EP300: variants seen among roughly 807,000 people sequenced by gnomAD.
EP300 encodes EP300 lysine acetyltransferase.
Under a neutral mutation model 264.0 loss-of-function variants are expected in EP300, and 31 were observed. The observed-to-expected ratio is 0.12, with a 90% CI of 0.09 to 0.16. The LOEUF (loss-of-function observed/expected upper bound fraction) is 0.16. EP300 is among the 10% of genes least tolerant of loss of function. EP300 has a pLI of 1.00. For synonymous variants in EP300, 1,340 were observed against 1,045.4 expected (o/e 1.28, Z -5.44); for missense variants, 2,766 against 3,052.9 (o/e 0.91, Z 2.21).
intron 1 of EP300, among the ~76,000 whole-genome samples, chr22:41,110,012 C>T (rs1195203391): frequency 2.0e-5 from 3 of 151,736 alleles, no homozygotes; most frequent in African/African-American, 7.3e-5. Context: ...TGGGGTTTCA[C>T]CATCTTGGCC....
At chr22:41,105,198 GAAAAA>G (rs764225630) in intron 1 of EP300, among the ~76,000 whole-genome samples, 37 of 60,950 alleles carry the variant, frequency 6.1e-4, no homozygotes, top group South Asian at 7.1e-4. Context: ...CTCCATCTCA[GAAAAA>G]AAAAAAAAAA....
intron 22 of EP300, among the ~76,000 whole-genome samples, chr22:41,164,449 C>T (rs182210495): frequency 1.3e-5 from 2 of 152,138 alleles, no homozygotes; most frequent in East Asian, 1.9e-4. Context: ...AGGTGGCTCA[C>T]GCCTGTAATC....
At chr22:41,105,223 C>T (rs2058752271) in intron 1 of EP300, among the ~76,000 whole-genome samples, 1 of 122,702 alleles carries the variant, frequency 8.1e-6, no homozygotes, top group Non-Finnish European at 1.8e-5. Flanking sequence ...AAAAAAAAAG[C>T]CGGGCGTGGT....
At chr22:41,113,639 C>T (rs777039861) in intron 1 of EP300, among the ~76,000 whole-genome samples, 2 of 152,072 alleles carry the variant, frequency 1.3e-5, no homozygotes, top group Non-Finnish European at 2.9e-5. Flanking sequence ...CTCTGTCTCC[C>T]GGGTTCATGC....
chr22:41,155,473 A>G (rs1007837768), intron 17 of EP300, among the ~76,000 whole-genome samples: 3 of 152,164 alleles, frequency 2.0e-5, no homozygotes, highest in African/African-American at 4.8e-5. Flanking sequence ...GACTCAAGCA[A>G]TAGGCCCATC....
At chr22:41,121,946 C>G (rs374503534) in intron 2 of EP300, among the ~76,000 whole-genome samples, 3 of 151,906 alleles carry the variant, frequency 2.0e-5, no homozygotes, top group East Asian at 1.9e-4. Context: ...AAACAACTCC[C>G]CCATGTATAG....
Position 41,176,547 on chromosome 22 carries a change from G to A in EP300, c.5061+19G>A, listed in dbSNP as rs1222167270. 1.2e-6 allele frequency: 2 copies of A among 1,613,414 alleles called. No homozygotes were observed. The highest frequency in any genetic ancestry group is 1.7e-6 in the Non-Finnish European group (2 of 1,179,940). The stretch of plus-strand genomic sequence containing the variant: ...CTGTGAGGTAGGCACCGGGTTGTGG[G>A]AAGGAGGAGGTGAGCTCCGCAGGGT... On this transcript the variant is annotated intron_variant, in intron 30 of 30. Coordinates refer to ENST00000263253, the MANE Select transcript of EP300 (RefSeq NM_001429.4).
chr22:41,140,043 T>A (rs1004221344), intron 8 of EP300, 97 bp from the exon 9 acceptor site: 22 of 859,450 alleles, frequency 2.6e-5, no homozygotes, highest in Non-Finnish European at 4.4e-5. Flanking sequence ...CTTGCCATTA[T>A]TTTTTCTTTT....
At position 41,125,857 on chromosome 22, in the gene EP300, C is replaced by T. The variant is rs1428490295; in HGVS notation, c.730-7C>T. The stretch of plus-strand genomic sequence containing the variant: ...TTATTTTGTTTTCTTTTGTTTCTTA[C>T]TCTTAGATGGGAATGATGAACAACC... On this transcript the variant is annotated splice_polypyrimidine_tract_variant and splice_region_variant and intron_variant, in intron 2 of 30. Coordinates refer to ENST00000263253, the MANE Select transcript of EP300 (RefSeq NM_001429.4). The T allele has an allele frequency of 2.5e-6, 4 of 1,613,264 alleles. No homozygotes were observed. The highest frequency in any genetic ancestry group is 3.4e-6 in the Non-Finnish European group (4 of 1,179,664).
At position 41,177,346 on chromosome 22, in the gene EP300, C is replaced by A. The variant is rs2145516873; in HGVS notation, c.5635C>A (p.Pro1879Thr). The A allele has an allele frequency of 6.2e-7, 1 of 1,614,062 alleles. No individual in the cohort carries two copies. Among genetic ancestry groups the A allele is most frequent in the South Asian group, 1.1e-5 (1 of 91,078 alleles). The change falls in exon 31 of 31, where the codon CCT (proline) becomes ACT (threonine). Residue 1879 changes from proline (P) to threonine (T), a missense_variant. Pro to Thr is a conservative substitution (Grantham distance 38). Coordinates refer to ENST00000263253, the MANE Select transcript of EP300 (RefSeq NM_001429.4). ...PQPTSQPQPTPPNSMPPYLPR... is the reference protein window; with the variant it reads ...PQPTSQPQPTTPNSMPPYLPR... ...GCCCACTTCTCAGCCTCAGCCTACC[C>A]CTCCCAATAGCATGCCACCCTACTT...
chr22:41,140,170 T>A lies in EP300; in HGVS notation c.1791T>A (p.Pro597=), dbSNP rs1226582824. ...LVQAIFPTPD[P]AALKDRRMEN... is the part of the protein sequence containing the mutation. ...AAGCCATATTTCCTACGCCGGATCCTGCTGCTTTAAAAGACAGACGGATGG... is the reference window on the plus strand; with the variant it reads ...AAGCCATATTTCCTACGCCGGATCCAGCTGCTTTAAAAGACAGACGGATGG... Residue 597 remains proline (P), a synonymous_variant, in exon 9 of 31, where the codon CCT becomes CCA. Transcript: ENST00000263253. 4.3e-6 allele frequency: 7 copies of A among 1,614,156 alleles called. No homozygotes were observed. Among genetic ancestry groups the A allele is most frequent in the Non-Finnish European group, 5.9e-6 (7 of 1,179,988 alleles).
chr22:41,151,409 T>C (rs1317747349), intron 14 of EP300, among the ~76,000 whole-genome samples: 3 of 152,192 alleles, frequency 2.0e-5, no homozygotes, highest in Non-Finnish European at 4.4e-5. Flanking sequence ...AAACAGCCAC[T>C]CTCTGGGACA....
intron 10 of EP300, among the ~76,000 whole-genome samples, chr22:41,142,883 C>T (rs1379906868): frequency 6.6e-6 from 1 of 151,262 alleles, no homozygotes; most frequent in Non-Finnish European, 1.5e-5. Context: ...GAGACTCTGT[C>T]TCAAAAAAAA....
rs541021531 is a variant in EP300 at position 41,154,249 on chromosome 22, C to T, written c.3143-746C>T. On this transcript the variant is annotated intron_variant, in intron 16 of 30. Transcript: ENST00000263253. ...AGTCTTCTCTTCTGTGCCCCTGACTCCTTGTAGTATAAGACAATACCTGAT... is the reference window on the plus strand; with the variant it reads ...AGTCTTCTCTTCTGTGCCCCTGACTTCTTGTAGTATAAGACAATACCTGAT... 3.9e-5 allele frequency among the ~76,000 whole-genome samples: 6 copies of T among 152,194 alleles called. No homozygotes were observed. In the East Asian group the frequency reaches 9.6e-4, roughly 24 times the overall value.
intron 1 of EP300, among the ~76,000 whole-genome samples, chr22:41,104,593 T>C (rs1285148231): frequency 6.6e-6 from 1 of 151,962 alleles, no homozygotes; most frequent in Non-Finnish European, 1.5e-5. Flanking sequence ...TCCGGCCTCA[T>C]GTAGTTATTT....
At position 41,152,244 on chromosome 22, in the gene EP300, A is replaced by G. The variant is rs2145740742; in HGVS notation, c.3036A>G (p.Thr1012=). 1 of 1,614,182 alleles carries G rather than the reference A, an allele frequency of 6.2e-7. No individual in the cohort carries two copies. The highest frequency in any genetic ancestry group is 8.5e-7 in the Non-Finnish European group (1 of 1,180,026). ...ACTGTAAAATGGAATCTACCGAAAC[A>G]GAAGAGAGAAGCACTGAGTTAAAAA... ...VEDCKMESTE[T]EERSTELKTE... is the part of the protein sequence containing the mutation. Residue 1012 remains threonine, a synonymous_variant, in exon 16 of 31, where the codon ACA becomes ACG. Transcript: ENST00000263253.
At chr22:41,121,567 T>C (rs983685913) in intron 2 of EP300, among the ~76,000 whole-genome samples, 2 of 152,146 alleles carry the variant, frequency 1.3e-5, no homozygotes, top group African/African-American at 4.8e-5. Context: ...TGATCAGCAA[T>C]CAGTGTAGTC....
intron 2 of EP300, among the ~76,000 whole-genome samples, chr22:41,123,976 A>G (rs1351117271): frequency 6.6e-6 from 1 of 152,242 alleles, no homozygotes; most frequent in African/African-American, 2.4e-5. Flanking sequence ...GAGCCGGCAC[A>G]GTGGCTAACG....
chr22:41,125,336 T>G (rs578116395), intron 2 of EP300, among the ~76,000 whole-genome samples: 1 of 151,912 alleles, frequency 6.6e-6, no homozygotes, highest in East Asian at 1.9e-4. Flanking sequence ...GCCAGGATAG[T>G]CTCTATCTCC....
Sources: gnomAD v4.1 joint callset for allele counts (sites outside exome capture counted in the v4.1 genomes callset) on GRCh38, gnomAD v4.1.1 for gene constraint, MANE v1.5 for transcripts, NCBI Gene and HGNC (gene_info 2026-07-23, HGNC 2026-07-21) for gene names.